Variants in SIPA1L1 observed in about 807,000 individuals in gnomAD.
The protein encoded by SIPA1L1 is signal-induced proliferation-associated 1-like protein 1.
Under a neutral mutation model 162.7 loss-of-function variants are expected in SIPA1L1, and 26 were observed. That is an observed-to-expected ratio of 0.16 (90% CI 0.12 to 0.22). The LOEUF (loss-of-function observed/expected upper bound fraction) is 0.22, where lower values mean the gene tolerates loss of function less well. Ranked by LOEUF, SIPA1L1 falls within the 10% of genes least tolerant of loss-of-function variation. The pLI, the probability that SIPA1L1 is intolerant of heterozygous loss-of-function variation, is 1.00. For missense variants in SIPA1L1, 1,874 were observed against 2,241.0 expected, an observed-to-expected ratio of 0.84 and a Z score of 3.31; for synonymous variants, 829 against 837.4, an observed-to-expected ratio of 0.99 and a Z score of 0.17.
chr14:71,368,561 T>G (rs1169041067), intron 2 of SIPA1L1, among the ~76,000 whole-genome samples: 4 of 128,716 alleles, frequency 3.1e-5, no homozygotes, highest in African/African-American at 1.2e-4. Flanking sequence ...AGTCTATCAT[T>G]GTTGGACATT....
intron 5 of SIPA1L1, among the ~76,000 whole-genome samples, chr14:71,595,022 C>T (rs1035870905): frequency 3.3e-5 from 5 of 152,148 alleles, no homozygotes; most frequent in African/African-American, 1.2e-4. Context: ...CGTGGCTCAG[C>T]TGCAAGCGTG....
chr14:71,360,098 G>A (rs934026784), intron 2 of SIPA1L1, among the ~76,000 whole-genome samples: 8 of 152,148 alleles, frequency 5.3e-5, no homozygotes, highest in Non-Finnish European at 1.0e-4. Flanking sequence ...AGATGTGAGA[G>A]TACATTTCTA....
intron 4 of SIPA1L1, among the ~76,000 whole-genome samples, chr14:71,573,200 A>G (rs2032406872): frequency 6.6e-6 from 1 of 152,244 alleles, no homozygotes; most frequent in Non-Finnish European, 1.5e-5. Flanking sequence ...ACTACTATGT[A>G]TATTACTTTG....
At chr14:71,572,927 A>AGAAT (rs1259220069) in intron 4 of SIPA1L1, among the ~76,000 whole-genome samples, 2 of 152,250 alleles carry the variant, frequency 1.3e-5, no homozygotes, top group African/African-American at 4.8e-5. Context: ...ATAGGTACAT[A>AGAAT]GAATGGGGTA....
intron 4 of SIPA1L1, among the ~76,000 whole-genome samples, chr14:71,546,722 C>T (rs1253526027): frequency 1.3e-5 from 2 of 152,006 alleles, no homozygotes; most frequent in East Asian, 3.8e-4. Flanking sequence ...TATGACTAAC[C>T]GTGTTAGTAT....
At chr14:71,406,940 A>T (rs1336839089) in intron 2 of SIPA1L1, among the ~76,000 whole-genome samples, 1 of 152,150 alleles carries the variant, frequency 6.6e-6, no homozygotes, top group East Asian at 1.9e-4. Context: ...ATCACTTTTC[A>T]TAAAGAAAGT....
chr14:71,570,269 A>G (rs779169640), intron 4 of SIPA1L1, among the ~76,000 whole-genome samples: 8 of 150,182 alleles, frequency 5.3e-5, no homozygotes, highest in Non-Finnish European at 1.0e-4. Flanking sequence ...ATCTTTATTT[A>G]TTTATTTATT....
intron 2 of SIPA1L1, among the ~76,000 whole-genome samples, chr14:71,492,000 G>A (rs1015387899): frequency 1.3e-5 from 2 of 152,104 alleles, no homozygotes; most frequent in African/African-American, 4.8e-5. Context: ...TCTCCCCTCT[G>A]TCACCTAATG....
chr14:71,565,500 A>T (rs1174868184), intron 4 of SIPA1L1, among the ~76,000 whole-genome samples: 1 of 152,198 alleles, frequency 6.6e-6, no homozygotes, highest in Non-Finnish European at 1.5e-5. Context: ...ATAATTTTGA[A>T]AGTATAATAT....
Position 71,724,684 on chromosome 14 carries a change from A to G in SIPA1L1, c.4463A>G (p.Asp1488Gly). Residue 1488 changes from aspartate to glycine, a missense_variant, in exon 19 of 24, where the codon GAT becomes GGT. Asp to Gly is a moderately conservative substitution (Grantham distance 94). Transcript: ENST00000381232. ...FMDTRKRHQS[D>G]GNEIAHTRLR... ...TTTTTGTCCAGGCGTCATCAGAGCGATGGCAATGAAATAGCCCACACCAGG... is the reference window on the plus strand; with the variant it reads ...TTTTTGTCCAGGCGTCATCAGAGCGGTGGCAATGAAATAGCCCACACCAGG... 2.2e-5 allele frequency: 36 copies of G among 1,613,372 alleles called. No individual in the cohort carries two copies. The highest frequency in any genetic ancestry group is 3.0e-5 in the Non-Finnish European group (35 of 1,179,818).
chr14:71,484,688 T>A (rs2048611660), intron 2 of SIPA1L1, among the ~76,000 whole-genome samples: 1 of 152,212 alleles, frequency 6.6e-6, no homozygotes, highest in Non-Finnish European at 1.5e-5. Flanking sequence ...AACTGATGTT[T>A]ATGTAACAAC....
At chr14:71,368,142 C>CTTT (rs755238643) in intron 2 of SIPA1L1, among the ~76,000 whole-genome samples, 3 of 115,172 alleles carry the variant, frequency 2.6e-5, no homozygotes, top group Non-Finnish European at 3.7e-5. Flanking sequence ...TTGTGGTATT[C>CTTT]TTTTTTTTTT....
At chr14:71,721,589 G>T (rs748498990) in intron 17 of SIPA1L1, among the ~76,000 whole-genome samples, 3 of 152,190 alleles carry the variant, frequency 2.0e-5, no homozygotes, top group Non-Finnish European at 2.9e-5. Context: ...TTCTGGAATC[G>T]AGGGCTTCAG....
At chr14:71,608,591 A>G (rs966352050) in intron 5 of SIPA1L1, among the ~76,000 whole-genome samples, 7 of 152,090 alleles carry the variant, frequency 4.6e-5, no homozygotes, top group African/African-American at 9.7e-5. Context: ...TGCATTTTTT[A>G]TACTTAAAAA....
chr14:71,570,225 AT>A (rs925500434), intron 4 of SIPA1L1, among the ~76,000 whole-genome samples: 173 of 151,528 alleles, frequency 1.1e-3, no homozygotes, highest in East Asian at 3.3e-3. Context: ...TCAGTCTACT[AT>A]TTTTTTTCTT....
chr14:71,429,332 T>A (rs1316032734), intron 2 of SIPA1L1, among the ~76,000 whole-genome samples: 7 of 152,180 alleles, frequency 4.6e-5, no homozygotes, highest in Non-Finnish European at 5.9e-5. Flanking sequence ...TTATTTTTAT[T>A]TATAATATAA....
intron 2 of SIPA1L1, among the ~76,000 whole-genome samples, chr14:71,422,130 A>G (rs573354369): frequency 1.1e-4 from 16 of 152,158 alleles, no homozygotes; most frequent in Non-Finnish European, 2.1e-4. Context: ...TGGGAAAGAG[A>G]TATGTGTGTT....
At chr14:71,383,334 G>A (rs2040057679) in intron 2 of SIPA1L1, among the ~76,000 whole-genome samples, 1 of 152,170 alleles carries the variant, frequency 6.6e-6, no homozygotes, top group South Asian at 2.1e-4. Context: ...GGGAAATGTA[G>A]CAAAGCTGGA....
chr14:71,652,566 C>T (rs962912575), intron 8 of SIPA1L1, among the ~76,000 whole-genome samples: 29 of 151,888 alleles, frequency 1.9e-4, no homozygotes, highest in African/African-American at 7.0e-4. Context: ...CTCTCTGAGA[C>T]TCCAATTACA....
Sources: gnomAD v4.1 joint callset for allele counts (sites outside exome capture counted in the v4.1 genomes callset) on GRCh38, gnomAD v4.1.1 for gene constraint, MANE v1.5 for transcripts, NCBI Gene and HGNC (gene_info 2026-07-23, HGNC 2026-07-21) for gene names.